PALD1: variants seen among roughly 807,000 people sequenced by gnomAD.
PALD1 encodes the protein paladin.
A neutral mutation model predicts 96.0 loss-of-function variants in PALD1; 57 were observed. The ratio of observed to expected loss-of-function variants is 0.59; its 90% CI spans 0.48 to 0.74. The LOEUF is 0.74. PALD1 is among the 30% of genes least tolerant of loss of function. PALD1 has a pLI of 0.00. For missense variants in PALD1, 1,063 were observed against 1,143.7 expected, an observed-to-expected ratio of 0.93 and a Z score of 1.02; for synonymous variants, 464 against 473.6, an observed-to-expected ratio of 0.98 and a Z score of 0.26.
intron 1 of PALD1, among the ~76,000 whole-genome samples, chr10:70,523,442 G>C (rs2027110): frequency 6.6e-6 from 1 of 152,134 alleles, no homozygotes; most frequent in Admixed American, 6.5e-5. Flanking sequence ...GGCCCAGGTT[G>C]CTGGGAGGGG....
rs1226660013 is a variant in PALD1 at position 70,532,641 on chromosome 10, G to A, written c.654G>A (p.Leu218=). The A allele has an allele frequency of 3.1e-6, 5 of 1,614,158 alleles. No individual in the cohort carries two copies. The highest frequency in any genetic ancestry group is 2.5e-6 in the Non-Finnish European group (3 of 1,180,024). ...IRKEIHDFAQ[L]SENTYHVYHN... is the part of the protein sequence containing the mutation. ...TCTAGATCCACGACTTTGCCCAGCT[G>A]AGCGAGAACACATACCATGTGTACC... The change falls in exon 6 of 20, where the codon CTG becomes CTA. Residue 218 remains leucine (L), a synonymous_variant. Transcript: ENST00000263563.
rs1122918 is a variant in PALD1 at position 70,538,875 on chromosome 10, T to G, written c.1453-17T>G. The stretch of plus-strand genomic sequence containing the variant: ...AGTCGGCTGCTGTGGGTCCCAGGCT[T>G]GGTGCTCTCCCCACAGCGGGAGGAC... On this transcript the variant is annotated splice_polypyrimidine_tract_variant and intron_variant, in intron 12 of 19. Coordinates refer to ENST00000263563, the MANE Select transcript of PALD1 (RefSeq NM_014431.3). 2 of 1,605,494 alleles carry G rather than the reference T, an allele frequency of 1.2e-6. No individual in the cohort carries two copies. Among genetic ancestry groups the G allele is most frequent in the Non-Finnish European group, 8.5e-7 (1 of 1,173,224 alleles).
intron 1 of PALD1, among the ~76,000 whole-genome samples, chr10:70,524,945 G>A (rs1435639284): frequency 6.6e-6 from 1 of 152,156 alleles, no homozygotes; most frequent in African/African-American, 2.4e-5. Flanking sequence ...GGTGCCCGGC[G>A]TTCTTCAAGT....
intron 1 of PALD1, among the ~76,000 whole-genome samples, chr10:70,481,878 G>C (rs997649501): frequency 3.3e-5 from 5 of 152,240 alleles, no homozygotes; most frequent in Admixed American, 2.6e-4. Context: ...GATATGCTTT[G>C]ATACTAATGC....
At position 70,526,067 on chromosome 10, in the gene PALD1, A is replaced by G; in HGVS notation, c.116A>G (p.Gln39Arg). The change falls in exon 2 of 20, where the codon CAG becomes CGG. Residue 39 changes from glutamine (Q) to arginine (R), a missense_variant. Transcript: ENST00000263563. Reference sequence around the variant, plus strand: ...CACTCCGTCAGCATCCACTCCTTCCAGAGCACTAGCTTGCATAACAGCAAG... The same window carrying G: ...CACTCCGTCAGCATCCACTCCTTCCGGAGCACTAGCTTGCATAACAGCAAG... ...SRHSVSIHSF[Q>R]STSLHNSKAK... 2 of 1,614,224 alleles carry G rather than the reference A, an allele frequency of 1.2e-6. No homozygotes were observed. The highest frequency in any genetic ancestry group is 1.7e-6 in the Non-Finnish European group (2 of 1,180,032).
intron 17 of PALD1, among the ~76,000 whole-genome samples, chr10:70,543,061 G>GT (rs57980012): frequency 0.2 from 23,994 of 122,990 alleles, 2,440 homozygotes; most frequent in Middle Eastern, 0.25. Flanking sequence ...GTGCCCAGCC[G>GT]TTTTTTTTTT....
chr10:70,529,351 T>A lies in PALD1; in HGVS notation c.288+20T>A. On this transcript the variant is annotated intron_variant, in intron 3 of 19. Transcript: ENST00000263563. ...GTGCAAGTGAGCTCAGGCCTTACCC[T>A]GCCAGCCCGCCTGCTGCCTCCCACC... 2 of 1,304,024 alleles carry A rather than the reference T, an allele frequency of 1.5e-6. No individual in the cohort carries two copies. Among genetic ancestry groups the A allele is most frequent in the Non-Finnish European group, 2.2e-6 (2 of 907,810 alleles). The allele number at this position is 1,304,024 out of a possible 1,614,324, so 80.8% of individuals were successfully genotyped here. A position where few individuals can be genotyped will look rare whatever the true frequency, so the allele number is the denominator to read the frequency against.
intron 18 of PALD1, among the ~76,000 whole-genome samples, chr10:70,561,592 G>A (rs189111334): frequency 7.5e-4 from 114 of 152,174 alleles, no homozygotes; most frequent in Non-Finnish European, 1.0e-3. Context: ...TGCCCCCAGC[G>A]GCCCCAGCAC....
At chr10:70,501,023 T>A (rs1440649186) in intron 1 of PALD1, among the ~76,000 whole-genome samples, 1 of 152,204 alleles carries the variant, frequency 6.6e-6, no homozygotes, top group Non-Finnish European at 1.5e-5. Context: ...CCTGATGGAA[T>A]GTTGGCCTGT....
At chr10:70,490,321 A>G (rs910777709) in intron 1 of PALD1, among the ~76,000 whole-genome samples, 1 of 152,156 alleles carries the variant, frequency 6.6e-6, no homozygotes, top group African/African-American at 2.4e-5. Flanking sequence ...TCCTGGGCTC[A>G]GGTGATCCTC....
chr10:70,561,020 A>G (rs1847728114), intron 18 of PALD1, among the ~76,000 whole-genome samples: 1 of 152,192 alleles, frequency 6.6e-6, no homozygotes, highest in Non-Finnish European at 1.5e-5. Flanking sequence ...ATCCAGCAAG[A>G]TGTGCCCTCG....
intron 1 of PALD1, among the ~76,000 whole-genome samples, chr10:70,498,792 G>A (rs1846240347): frequency 6.6e-6 from 1 of 152,080 alleles, no homozygotes; most frequent in Non-Finnish European, 1.5e-5. Flanking sequence ...GCCAGACGTG[G>A]TAGCGCGTGC....
chr10:70,494,642 C>G (rs1846158343), intron 1 of PALD1, among the ~76,000 whole-genome samples: 1 of 152,214 alleles, frequency 6.6e-6, no homozygotes, highest in Admixed American at 6.5e-5. Flanking sequence ...GCAGCTACCT[C>G]TGGGCATTTG....
At chr10:70,528,506 C>G (rs1054178181) in intron 2 of PALD1, among the ~76,000 whole-genome samples, 24 of 152,160 alleles carry the variant, frequency 1.6e-4, no homozygotes, top group African/African-American at 5.6e-4. Context: ...TATAGAGTTA[C>G]CAAGCGGTGG....
chr10:70,550,300 T>A (rs772811070), intron 18 of PALD1, among the ~76,000 whole-genome samples: 46 of 152,280 alleles, frequency 3.0e-4, no homozygotes, highest in Non-Finnish European at 6.6e-4. Context: ...GAGAGCCACA[T>A]ATTCTAAGCA....
intron 7 of PALD1, among the ~76,000 whole-genome samples, chr10:70,533,612 A>C (rs192787672): frequency 8.4e-4 from 128 of 152,144 alleles, no homozygotes; most frequent in African/African-American, 2.7e-3. Context: ...GTCCTGGCGG[A>C]GTTTCTCTCC....
chr10:70,500,469 T>C (rs965533559), intron 1 of PALD1, among the ~76,000 whole-genome samples: 1 of 152,208 alleles, frequency 6.6e-6, no homozygotes, highest in African/African-American at 2.4e-5. Context: ...CACAAGCACC[T>C]TAATTCTTCC....
At chr10:70,497,923 A>G (rs1211601480) in intron 1 of PALD1, among the ~76,000 whole-genome samples, 1 of 152,176 alleles carries the variant, frequency 6.6e-6, no homozygotes, top group Non-Finnish European at 1.5e-5. Flanking sequence ...ACCATGGTAA[A>G]ATATACGTAA....
At chr10:70,487,259 G>A (rs1205757486) in intron 1 of PALD1, among the ~76,000 whole-genome samples, 1 of 150,136 alleles carries the variant, frequency 6.7e-6, no homozygotes, top group Non-Finnish European at 1.5e-5. Flanking sequence ...TCATCCTCCC[G>A]AGTAGCTGGG....
Sources: allele counts gnomAD v4.1 joint callset (sites outside exome capture counted in the v4.1 genomes callset), GRCh38; gene constraint gnomAD v4.1.1; transcripts MANE v1.5; gene names NCBI Gene and HGNC (gene_info 2026-07-23, HGNC 2026-07-21).